SGCZ: variants seen among roughly 807,000 people sequenced by gnomAD.
The protein encoded by SGCZ is zeta-sarcoglycan.
In SGCZ, 40 loss-of-function variants were observed where a neutral mutation model predicts 41.3. That is an observed-to-expected ratio of 0.97 (90% confidence interval 0.75 to 1.26). The LOEUF is 1.26. Among genes scored for constraint, SGCZ ranks in the 50% most tolerant of loss-of-function variants. The pLI is 0.00. For synonymous variants in SGCZ, 206 were observed against 137.5 expected, an observed-to-expected ratio of 1.50 and a Z score of -3.49; for missense variants, 552 against 369.8, an observed-to-expected ratio of 1.49 and a Z score of -4.04.
chr8:14,674,931 T>C lies in SGCZ; in HGVS notation c.40-120005A>G, dbSNP rs1272093434. 5.9e-4 allele frequency among the ~76,000 whole-genome samples: 39 copies of C among 66,642 alleles called. 8 individuals carry two copies. Among genetic ancestry groups the C allele is most frequent in the African/African-American group, 2.4e-3 (35 of 14,740 alleles). The allele number at this position is 66,642 out of a possible 152,430, so 43.7% of individuals were successfully genotyped here. ...AATTTAACCTCTTTTCTTTTCTGTT[T>C]TTTTTTTTTTTTTTTTTTTTTTTTT... On this transcript the variant is annotated intron_variant, in intron 1 of 7. Coordinates refer to ENST00000382080, the MANE Select transcript of SGCZ (RefSeq NM_139167.4).
chr8:14,220,052 T>G (rs1395971978), intron 4 of SGCZ, among the ~76,000 whole-genome samples: 1 of 152,204 alleles, frequency 6.6e-6, no homozygotes, highest in African/African-American at 2.4e-5. Context: ...GACTTAACAT[T>G]GACGGTCCAA....
At chr8:14,392,320 T>A (rs543228536) in intron 2 of SGCZ, among the ~76,000 whole-genome samples, 157 of 152,278 alleles carry the variant, frequency 1.0e-3, no homozygotes, top group African/African-American at 3.6e-3. Context: ...CCTTCTAGCT[T>A]TTAGATGGTA....
chr8:14,742,643 C>T lies in SGCZ; in HGVS notation c.40-187717G>A, dbSNP rs553404229. On this transcript the variant is annotated intron_variant, in intron 1 of 7. Coordinates refer to ENST00000382080, the MANE Select transcript of SGCZ (RefSeq NM_139167.4). Reference sequence around the variant, plus strand: ...CGTACATAACCCAGATAATCTTATTCATCCTTAGCAAAAATTATAGTACAT... The same window carrying T: ...CGTACATAACCCAGATAATCTTATTTATCCTTAGCAAAAATTATAGTACAT... 4.6e-5 allele frequency among the ~76,000 whole-genome samples: 7 copies of T among 152,146 alleles called. No homozygotes were observed. In the East Asian group the frequency reaches 1.4e-3, roughly 29 times the overall value.
intron 1 of SGCZ, among the ~76,000 whole-genome samples, chr8:15,074,642 C>T (rs1022376008): frequency 1.3e-5 from 2 of 152,092 alleles, no homozygotes; most frequent in African/African-American, 4.8e-5. Context: ...TGAAAATTTA[C>T]CTGTCGTTTA....
At chr8:15,103,447 C>T (rs189814563) in intron 1 of SGCZ, among the ~76,000 whole-genome samples, 83 of 143,756 alleles carry the variant, frequency 5.8e-4, no homozygotes, top group African/African-American at 2.1e-3. Context: ...AATGAAGAGC[C>T]ATAGCAAAAC....
At chr8:14,282,846 A>ATTTTT (rs1563232512) in intron 3 of SGCZ, among the ~76,000 whole-genome samples, 14 of 62,978 alleles carry the variant, frequency 2.2e-4, no homozygotes, top group East Asian at 1.1e-3. Flanking sequence ...TCTTTCAAAT[A>ATTTTT]CTTTTTTTTT....
intron 1 of SGCZ, among the ~76,000 whole-genome samples, chr8:14,995,140 G>A (rs1338765143): frequency 6.6e-6 from 1 of 152,240 alleles, no homozygotes; most frequent in Admixed American, 6.5e-5. Flanking sequence ...GAGGCCTTGG[G>A]GCCATGGTGA....
intron 2 of SGCZ, among the ~76,000 whole-genome samples, chr8:14,544,559 G>A (rs896334791): frequency 2.0e-5 from 3 of 152,038 alleles, no homozygotes; most frequent in Non-Finnish European, 2.9e-5. Context: ...AAAGGAATGC[G>A]TTCCTGGGGG....
At chr8:14,147,206 A>G (rs1259784624) in intron 5 of SGCZ, among the ~76,000 whole-genome samples, 2 of 152,038 alleles carry the variant, frequency 1.3e-5, no homozygotes, top group East Asian at 3.9e-4. Flanking sequence ...AGTAGGAAGG[A>G]AGAGATCACA....
intron 1 of SGCZ, among the ~76,000 whole-genome samples, chr8:15,032,603 G>A (rs951583581): frequency 1.3e-5 from 2 of 152,126 alleles, no homozygotes; most frequent in Non-Finnish European, 2.9e-5. Flanking sequence ...GGACACCCCA[G>A]CACTGGGCTG....
intron 1 of SGCZ, among the ~76,000 whole-genome samples, chr8:14,899,197 T>C (rs1489499242): frequency 6.6e-6 from 1 of 152,218 alleles, no homozygotes; most frequent in Non-Finnish European, 1.5e-5. Flanking sequence ...TAGGAAAAAC[T>C]GTGGGTGAAA....
chr8:14,740,471 G>C (rs1799168366), intron 1 of SGCZ, among the ~76,000 whole-genome samples: 2 of 151,986 alleles, frequency 1.3e-5, no homozygotes, highest in African/African-American at 4.8e-5. Context: ...GCCTATCTTA[G>C]TGGGGCCCTG....
chr8:15,195,040 C>T (rs1380664659), intron 1 of SGCZ, among the ~76,000 whole-genome samples: 1 of 152,076 alleles, frequency 6.6e-6, no homozygotes, highest in Non-Finnish European at 1.5e-5. Context: ...CATCTATTGC[C>T]ATCCAAAAAA....
chr8:14,494,699 AAGAT>A (rs1801940492), intron 2 of SGCZ, among the ~76,000 whole-genome samples: 1 of 152,202 alleles, frequency 6.6e-6, no homozygotes, highest in Non-Finnish European at 1.5e-5. Flanking sequence ...TTGTTGCTGA[AAGAT>A]AGAAGATCAG....
intron 1 of SGCZ, among the ~76,000 whole-genome samples, chr8:14,899,963 C>T (rs537624472): frequency 6.6e-6 from 1 of 152,148 alleles, no homozygotes; most frequent in South Asian, 2.1e-4. Flanking sequence ...CAGAGGGTAC[C>T]TGCTGTGAAA....
At chr8:14,966,246 G>T (rs1407874813) in intron 1 of SGCZ, among the ~76,000 whole-genome samples, 1 of 151,764 alleles carries the variant, frequency 6.6e-6, no homozygotes, top group Non-Finnish European at 1.5e-5. Context: ...GGGAAATATT[G>T]ATGTCATCAG....
intron 1 of SGCZ, among the ~76,000 whole-genome samples, chr8:14,577,610 A>G (rs1804752773): frequency 6.6e-6 from 1 of 152,212 alleles, no homozygotes; most frequent in Non-Finnish European, 1.5e-5. Flanking sequence ...CTGGTCTCCA[A>G]GTCCTGACCT....
chr8:15,032,174 A>C (rs1490281022), intron 1 of SGCZ, among the ~76,000 whole-genome samples: 1 of 152,146 alleles, frequency 6.6e-6, no homozygotes, highest in African/African-American at 2.4e-5. Context: ...AGGACATTCA[A>C]GCGCTCACAC....
At chr8:14,247,029 A>T (rs1326584315) in intron 3 of SGCZ, among the ~76,000 whole-genome samples, 1 of 152,312 alleles carries the variant, frequency 6.6e-6, no homozygotes, top group Non-Finnish European at 1.5e-5. Flanking sequence ...TTATGAAAAT[A>T]AACTTATCTA....
Sources: gnomAD v4.1 joint callset for allele counts (sites outside exome capture counted in the v4.1 genomes callset) on GRCh38, gnomAD v4.1.1 for gene constraint, MANE v1.5 for transcripts, NCBI Gene and HGNC (gene_info 2026-07-23, HGNC 2026-07-21) for gene names.